RALYL: variants seen among roughly 807,000 people sequenced by gnomAD.
The protein encoded by RALYL is RALY RNA binding protein like.
Under a neutral mutation model 35.1 loss-of-function variants are expected in RALYL, and 29 were observed. The ratio of observed to expected loss-of-function variants is 0.83; its 90% CI spans 0.61 to 1.13. The LOEUF (loss-of-function observed/expected upper bound fraction) is 1.13, where lower values mean the gene tolerates loss of function less well. RALYL is among the 50% of genes most tolerant of loss of function. The pLI is 0.00. For missense variants in RALYL, 359 were observed against 360.4 expected, an observed-to-expected ratio of 1.00 and a Z score of 0.03; for synonymous variants, 120 against 127.6, an observed-to-expected ratio of 0.94 and a Z score of 0.40.
At chr8:84,371,356 C>T (rs571283628) in intron 1 of RALYL, among the ~76,000 whole-genome samples, 1 of 151,858 alleles carries the variant, frequency 6.6e-6, no homozygotes, top group Non-Finnish European at 1.5e-5. Context: ...TGACATTCTG[C>T]GTCTCTCACT....
intron 2 of RALYL, among the ~76,000 whole-genome samples, chr8:84,658,473 A>C (rs574233107): frequency 2.0e-4 from 31 of 152,308 alleles, no homozygotes; most frequent in African/African-American, 7.2e-4. Context: ...AAAATTAGAA[A>C]GGTGTATGCA....
intron 3 of RALYL, among the ~76,000 whole-genome samples, chr8:84,778,662 G>A (rs746250377): frequency 3.9e-5 from 6 of 152,180 alleles, no homozygotes; most frequent in Non-Finnish European, 8.8e-5. Flanking sequence ...AGTCTACCTT[G>A]TGGGGAATGG....
Position 84,425,739 on chromosome 8 carries a change from A to G in RALYL, c.-23-103560A>G, listed in dbSNP as rs190040853. ...CCAGAAACATGATCAATCCAACAAT[A>G]GCATGCAATTGCAGCATCAATTTTT... On this transcript the variant is annotated intron_variant, in intron 1 of 8. Transcript: ENST00000521268. Among the ~76,000 whole-genome samples, 9 of 152,156 alleles carry G rather than the reference A, an allele frequency of 5.9e-5. No individual in the cohort carries two copies. The East Asian group carries it at 7.7e-4, about 13-fold the overall frequency.
chr8:84,338,465 T>TAA (rs11371775), intron 1 of RALYL, among the ~76,000 whole-genome samples: 6 of 137,570 alleles, frequency 4.4e-5, no homozygotes, highest in East Asian at 2.1e-4. Context: ...GTACTGCAAT[T>TAA]AAAAAAAAAA....
intron 1 of RALYL, among the ~76,000 whole-genome samples, chr8:84,407,024 A>C (rs2403007): frequency 0.39 from 56,127 of 145,014 alleles, 10,954 homozygotes; most frequent in South Asian, 0.56. Flanking sequence ...CTCTCTATAT[A>C]TATATATATA....
chr8:84,286,377 T>A (rs1483257717), intron 1 of RALYL, among the ~76,000 whole-genome samples: 1 of 152,194 alleles, frequency 6.6e-6, no homozygotes, highest in African/African-American at 2.4e-5. Flanking sequence ...GTGGGTACAA[T>A]GAGGCAAGAG....
At chr8:84,652,268 C>G (rs1263848941) in intron 2 of RALYL, among the ~76,000 whole-genome samples, 2 of 152,052 alleles carry the variant, frequency 1.3e-5, no homozygotes, top group East Asian at 3.9e-4. Flanking sequence ...AATTATCTCT[C>G]TATTATAAGG....
At chr8:84,236,248 A>G (rs150682406) in intron 1 of RALYL, among the ~76,000 whole-genome samples, 78 of 152,330 alleles carry the variant, frequency 5.1e-4, no homozygotes, top group Non-Finnish European at 1.2e-4. Context: ...AAGTTTTTGC[A>G]TCTGCCCAGT....
At chr8:84,515,336 A>T (rs1035710451) in intron 1 of RALYL, among the ~76,000 whole-genome samples, 3 of 152,172 alleles carry the variant, frequency 2.0e-5, no homozygotes, top group Non-Finnish European at 2.9e-5. Flanking sequence ...TATATTGTAT[A>T]TAGTGGGCAC....
intron 8 of RALYL, among the ~76,000 whole-genome samples, chr8:84,893,090 A>G (rs528808562): frequency 5.8e-4 from 88 of 152,312 alleles, no homozygotes; most frequent in African/African-American, 2.0e-3. Flanking sequence ...CAAAAAACAT[A>G]GTTTATAGTT....
At chr8:84,651,107 A>T (rs1230299949) in intron 2 of RALYL, among the ~76,000 whole-genome samples, 4 of 151,998 alleles carry the variant, frequency 2.6e-5, no homozygotes, top group Non-Finnish European at 5.9e-5. Flanking sequence ...GCTTTAGGAG[A>T]TATACCTAAT....
At chr8:84,570,225 AT>A (rs34385269) in intron 2 of RALYL, among the ~76,000 whole-genome samples, 2 of 151,628 alleles carry the variant, frequency 1.3e-5, no homozygotes, top group Non-Finnish European at 2.9e-5. Flanking sequence ...TGAGCATGGG[AT>A]TTTTTTATTT....
intron 3 of RALYL, among the ~76,000 whole-genome samples, chr8:84,801,508 G>A (rs1483339886): frequency 6.6e-6 from 1 of 152,086 alleles, no homozygotes; most frequent in Non-Finnish European, 1.5e-5. Context: ...TCATAGTGAT[G>A]GTGATGATAA....
At chr8:84,573,933 T>G (rs1808683014) in intron 2 of RALYL, among the ~76,000 whole-genome samples, 1 of 151,956 alleles carries the variant, frequency 6.6e-6, no homozygotes, top group African/African-American at 2.4e-5. Context: ...TTGCTTATAT[T>G]ATCTCCACCT....
intron 2 of RALYL, among the ~76,000 whole-genome samples, chr8:84,624,489 C>T (rs1259654252): frequency 6.6e-6 from 1 of 152,166 alleles, no homozygotes; most frequent in Non-Finnish European, 1.5e-5. Flanking sequence ...TTGCATCTCT[C>T]TGTGTGTTTC....
intron 1 of RALYL, among the ~76,000 whole-genome samples, chr8:84,195,817 G>GA (rs997325294): frequency 2.0e-5 from 3 of 151,774 alleles, no homozygotes; most frequent in Admixed American, 1.3e-4. Flanking sequence ...AAATTGTCTG[G>GA]AAAAAAAACT....
chr8:84,188,401 G>A (rs1027887718), intron 1 of RALYL, among the ~76,000 whole-genome samples: 21 of 151,896 alleles, frequency 1.4e-4, no homozygotes, highest in Non-Finnish European at 2.9e-4. Flanking sequence ...GGTCCTTATT[G>A]ATCTGCAGTT....
chr8:84,581,036 C>G (rs145736501), intron 2 of RALYL, among the ~76,000 whole-genome samples: 171 of 152,248 alleles, frequency 1.1e-3, no homozygotes, highest in Admixed American at 2.8e-3. Flanking sequence ...TGTGGCCTCT[C>G]CATGTAGTTT....
At chr8:84,413,127 A>G (rs143973568) in intron 1 of RALYL, among the ~76,000 whole-genome samples, 4,415 of 150,486 alleles carry the variant, frequency 0.029, 215 homozygotes, top group African/African-American at 0.1. Flanking sequence ...AATTATATAC[A>G]TAATTAATTT....
Sources: allele counts gnomAD v4.1 joint callset (sites outside exome capture counted in the v4.1 genomes callset), GRCh38; gene constraint gnomAD v4.1.1; transcripts MANE v1.5; gene names NCBI Gene and HGNC (gene_info 2026-07-23, HGNC 2026-07-21).